ADGRL2: variants seen among roughly 807,000 people sequenced by gnomAD.
ADGRL2 encodes the protein adhesion G protein-coupled receptor L2, also known as calcium-independent alpha-latrotoxin receptor 2.
Under a neutral mutation model 157.4 loss-of-function variants are expected in ADGRL2, and 44 were observed. The ratio of observed to expected loss-of-function variants is 0.28; its 90% confidence interval spans 0.22 to 0.36. ADGRL2 has a LOEUF of 0.36. Among genes scored for constraint, ADGRL2 ranks in the 10% least tolerant of loss-of-function variants. ADGRL2 has a pLI of 1.00. For missense variants in ADGRL2, 1,510 were observed against 1,768.9 expected (o/e 0.85, Z 2.63); for synonymous variants, 585 against 624.7 (o/e 0.94, Z 0.95).
intron 1 of ADGRL2, among the ~76,000 whole-genome samples, chr1:81,358,875 A>G (rs969566528): frequency 2.0e-5 from 3 of 152,236 alleles, no homozygotes; most frequent in Admixed American, 2.0e-4. Context: ...TGGTGGTAGG[A>G]GAGAGATCTA....
intron 2 of ADGRL2, among the ~76,000 whole-genome samples, chr1:81,459,743 TAC>T (rs1388134888): frequency 1.3e-5 from 2 of 151,090 alleles, no homozygotes; most frequent in South Asian, 2.1e-4. Context: ...CACACATATA[TAC>T]ACACACATAT....
At chr1:81,747,964 C>T (rs2085355642) in intron 1 of ADGRL2, among the ~76,000 whole-genome samples, 1 of 152,082 alleles carries the variant, frequency 6.6e-6, no homozygotes, top group African/African-American at 2.4e-5. Context: ...ACTAGGAAGA[C>T]TTTAAGCCAG....
intron 2 of ADGRL2, among the ~76,000 whole-genome samples, chr1:81,877,975 C>T (rs1372029811): frequency 6.6e-6 from 1 of 152,052 alleles, no homozygotes; most frequent in Non-Finnish European, 1.5e-5. Flanking sequence ...TAAAAACTGG[C>T]TGGCAATGTT....
intron 3 of ADGRL2, among the ~76,000 whole-genome samples, chr1:81,679,829 A>G (rs1207813056): frequency 1.3e-5 from 2 of 152,212 alleles, no homozygotes; most frequent in African/African-American, 2.4e-5. Flanking sequence ...TAATTTAGTT[A>G]GTAATTTGTT....
At chr1:81,775,193 A>C (rs2086529613) in intron 2 of ADGRL2, among the ~76,000 whole-genome samples, 1 of 152,184 alleles carries the variant, frequency 6.6e-6, no homozygotes, top group African/African-American at 2.4e-5. Flanking sequence ...CTTATCATTT[A>C]ATAAAAATTG....
chr1:81,435,008 C>G (rs1221186288), intron 1 of ADGRL2, among the ~76,000 whole-genome samples: 2 of 152,114 alleles, frequency 1.3e-5, no homozygotes, highest in Admixed American at 1.3e-4. Context: ...TAAAAATGTA[C>G]CAGTCCCTGA....
intron 3 of ADGRL2, among the ~76,000 whole-genome samples, chr1:81,692,030 A>G (rs1362571944): frequency 1.3e-5 from 2 of 151,630 alleles, no homozygotes; most frequent in Non-Finnish European, 1.5e-5. Flanking sequence ...TATATGATAT[A>G]TATATATTCA....
intron 3 of ADGRL2, among the ~76,000 whole-genome samples, chr1:81,598,532 GC>G (rs1317033953): frequency 2.0e-4 from 30 of 152,120 alleles, no homozygotes; most frequent in Admixed American, 9.8e-4. Context: ...TAGCAAACAT[GC>G]TAATACTCTG....
chr1:81,494,068 T>G (rs143100704), intron 2 of ADGRL2, among the ~76,000 whole-genome samples: 1 of 152,276 alleles, frequency 6.6e-6, no homozygotes, highest in African/African-American at 2.4e-5. Flanking sequence ...CACAAACTTA[T>G]GTCTCCTTCA....
intron 1 of ADGRL2, among the ~76,000 whole-genome samples, chr1:81,380,477 T>C (rs1303762113): frequency 6.6e-6 from 1 of 151,940 alleles, no homozygotes; most frequent in Non-Finnish European, 1.5e-5. Context: ...TTTTTTGTTG[T>C]TGTTTAACAA....
At chr1:81,550,126 T>C (rs1358440536) in intron 2 of ADGRL2, among the ~76,000 whole-genome samples, 2 of 151,980 alleles carry the variant, frequency 1.3e-5, no homozygotes, top group East Asian at 3.9e-4. Context: ...ATCCAAGGAG[T>C]ATCATAGGGT....
chr1:81,402,710 T>A (rs183896435), intron 1 of ADGRL2, among the ~76,000 whole-genome samples: 1 of 152,358 alleles, frequency 6.6e-6, no homozygotes, highest in African/African-American at 2.4e-5. Flanking sequence ...TTATATTTTG[T>A]CCTATTTTCT....
Position 81,954,713 on chromosome 1 carries a change from C to A in ADGRL2, c.1834-1164C>A, listed in dbSNP as rs537626891. On this transcript the variant is annotated intron_variant, in intron 10 of 23. Transcript: ENST00000686636. Reference sequence around the variant, plus strand: ...AGCCTTTAACGCCACTTGGAAGTATCTTCCACCTGCCAGGAAGGTCGTGGT... The same window carrying A: ...AGCCTTTAACGCCACTTGGAAGTATATTCCACCTGCCAGGAAGGTCGTGGT... Among the ~76,000 whole-genome samples the A allele has an allele frequency of 1.8e-4, 28 of 152,302 alleles. 1 individual carries two copies. The highest frequency in any genetic ancestry group is 7.2e-4 in the Admixed American group (11 of 15,294).
chr1:81,607,753 C>T (rs2081463489), intron 3 of ADGRL2, among the ~76,000 whole-genome samples: 1 of 152,154 alleles, frequency 6.6e-6, no homozygotes, highest in African/African-American at 2.4e-5. Context: ...AACTTCCTGA[C>T]ATGACTTGAC....
intron 1 of ADGRL2, among the ~76,000 whole-genome samples, chr1:81,371,396 G>T (rs945405729): frequency 1.3e-5 from 2 of 152,110 alleles, no homozygotes; most frequent in African/African-American, 4.8e-5. Flanking sequence ...GGAAAGAAAA[G>T]TATCAATAAA....
chr1:81,506,350 G>T (rs1442412418), intron 2 of ADGRL2: 1 of 152,002 alleles, frequency 6.6e-6, no homozygotes, highest in Non-Finnish European at 1.5e-5. Context: ...AATGAGGGTG[G>T]AGGGGTAGAG....
intron 3 of ADGRL2, among the ~76,000 whole-genome samples, chr1:81,648,925 G>C (rs1277998905): frequency 6.6e-6 from 1 of 152,072 alleles, no homozygotes; most frequent in Non-Finnish European, 1.5e-5. Flanking sequence ...AGAGTCCTTT[G>C]GACACTTGGA....
At chr1:81,491,157 G>A (rs866394191) in intron 2 of ADGRL2, among the ~76,000 whole-genome samples, 35 of 147,704 alleles carry the variant, frequency 2.4e-4, no homozygotes, top group African/African-American at 9.1e-4. Flanking sequence ...TACATGAAAC[G>A]TAGTGGACAA....
At chr1:81,542,204 A>G (rs766441254) in intron 2 of ADGRL2, among the ~76,000 whole-genome samples, 37 of 152,218 alleles carry the variant, frequency 2.4e-4, no homozygotes, top group Non-Finnish European at 5.0e-4. Context: ...CATTCACAAC[A>G]GTAACCCCAG....
Sources: allele counts gnomAD v4.1 joint callset (sites outside exome capture counted in the v4.1 genomes callset), GRCh38; gene constraint gnomAD v4.1.1; transcripts MANE v1.5; gene names NCBI Gene and HGNC (gene_info 2026-07-23, HGNC 2026-07-21).